AGBL4: variants seen among roughly 807,000 people sequenced by gnomAD.
AGBL4 encodes the protein cytosolic carboxypeptidase 6.
AGBL4 carries 58 observed loss-of-function variants against 66.4 expected under a neutral mutation model. The ratio of observed to expected loss-of-function variants is 0.87; its 90% CI spans 0.71 to 1.09. AGBL4 has a LOEUF of 1.09. Among genes scored for constraint, AGBL4 ranks in the 50% least tolerant of loss-of-function variants. The pLI is 0.00. For missense variants in AGBL4, 579 were observed against 631.0 expected, an observed-to-expected ratio of 0.92 and a Z score of 0.88; for synonymous variants, 234 against 222.9, an observed-to-expected ratio of 1.05 and a Z score of -0.44.
intron 11 of AGBL4, among the ~76,000 whole-genome samples, chr1:48,582,857 C>A (rs1186542361): frequency 2.0e-5 from 3 of 152,152 alleles, no homozygotes; most frequent in East Asian, 1.9e-4. Flanking sequence ...GAGAGCAAAA[C>A]CCTGGTCATG....
At chr1:48,805,035 G>A (rs940209783) in intron 6 of AGBL4, among the ~76,000 whole-genome samples, 2 of 152,112 alleles carry the variant, frequency 1.3e-5, no homozygotes. Flanking sequence ...CTGCAGTGAT[G>A]CTACCCAAAT....
At chr1:49,867,820 T>C (rs1646741494) in intron 1 of AGBL4, among the ~76,000 whole-genome samples, 1 of 152,078 alleles carries the variant, frequency 6.6e-6, no homozygotes, top group Non-Finnish European at 1.5e-5. Flanking sequence ...TAAATAAGTC[T>C]GCAAAATAAC....
chr1:49,551,588 A>C (rs1652957941), intron 3 of AGBL4, among the ~76,000 whole-genome samples: 1 of 152,218 alleles, frequency 6.6e-6, no homozygotes, highest in Non-Finnish European at 1.5e-5. Flanking sequence ...GCTACCCAGC[A>C]AGTCTACACA....
Position 49,190,723 on chromosome 1 carries a change from G to A in AGBL4, c.377+55047C>T, listed in dbSNP as rs143564510. On this transcript the variant is annotated intron_variant, in intron 4 of 13. Transcript: ENST00000371839. ...CAGCCTCCTTTCACTGTTTTTGTCC[G>A]TTTCCACAAAGTTCTTAGAATTGTA... is the stretch of plus-strand genomic sequence containing the variant. 1.6e-3 allele frequency among the ~76,000 whole-genome samples: 241 copies of A among 152,116 alleles called. 4 individuals carry two copies. The highest frequency in any genetic ancestry group is 5.6e-3 in the African/African-American group (232 of 41,498).
At chr1:48,737,898 C>A (rs1035851705) in intron 6 of AGBL4, among the ~76,000 whole-genome samples, 3 of 152,064 alleles carry the variant, frequency 2.0e-5, no homozygotes, top group Admixed American at 6.5e-5. Flanking sequence ...TGCTAATGAG[C>A]TAAACTTTCT....
chr1:49,149,665 A>G (rs183503825), intron 4 of AGBL4, among the ~76,000 whole-genome samples: 3 of 152,328 alleles, frequency 2.0e-5, no homozygotes, highest in Admixed American at 1.3e-4. Flanking sequence ...ATTTGTGTAC[A>G]TCATTAAAAA....
intron 4 of AGBL4, among the ~76,000 whole-genome samples, chr1:49,215,178 TA>T (rs1158462217): frequency 6.6e-6 from 1 of 152,088 alleles, no homozygotes; most frequent in Non-Finnish European, 1.5e-5. Flanking sequence ...ACAAAAATAA[TA>T]TTTGTTCTGT....
intron 12 of AGBL4, 96 bp downstream of exon 12, chr1:48,539,546 G>A: frequency 1.1e-6 from 1 of 926,802 alleles, no homozygotes; most frequent in East Asian, 3.0e-5. Flanking sequence ...GGCACAGATG[G>A]GATGCTGAGT....
At chr1:49,331,409 A>C (rs565970076) in intron 3 of AGBL4, among the ~76,000 whole-genome samples, 1 of 152,258 alleles carries the variant, frequency 6.6e-6, no homozygotes, top group South Asian at 2.1e-4. Context: ...CTTCAGGAGG[A>C]GGGACAAGCC....
intron 9 of AGBL4, among the ~76,000 whole-genome samples, chr1:48,616,115 C>A (rs1384780773): frequency 6.6e-6 from 1 of 152,158 alleles, no homozygotes; most frequent in African/African-American, 2.4e-5. Flanking sequence ...TGGAGGGGCA[C>A]ATACGTTCAA....
chr1:49,372,651 CTTTCTTTCTTTCTTTCTT>C (rs1644383089), intron 3 of AGBL4, among the ~76,000 whole-genome samples: 2 of 127,292 alleles, frequency 1.6e-5, no homozygotes, highest in Admixed American at 7.7e-5. Context: ...TTCTTTCTTT[CTTTCTTTCTTTCTTTCTT>C]TCTTTCTTTC....
intron 6 of AGBL4, among the ~76,000 whole-genome samples, chr1:48,762,865 A>AT (rs1644347371): frequency 6.6e-6 from 1 of 151,906 alleles, no homozygotes; most frequent in Non-Finnish European, 1.5e-5. Flanking sequence ...TTAAGTGTGA[A>AT]CCTCAGCTTT....
intron 1 of AGBL4, among the ~76,000 whole-genome samples, chr1:49,889,664 G>A (rs1211664606): frequency 6.6e-6 from 1 of 152,050 alleles, no homozygotes; most frequent in Non-Finnish European, 1.5e-5. Flanking sequence ...GGCTGATGCA[G>A]GAGAATCACT....
chr1:49,249,847 A>C (rs952898560), intron 3 of AGBL4, among the ~76,000 whole-genome samples: 1 of 152,212 alleles, frequency 6.6e-6, no homozygotes, highest in Non-Finnish European at 1.5e-5. Context: ...TGAATGGATA[A>C]AAAATGGAAT....
intron 2 of AGBL4, among the ~76,000 whole-genome samples, chr1:49,701,580 A>C (rs1647094896): frequency 6.6e-6 from 1 of 152,060 alleles, no homozygotes; most frequent in East Asian, 1.9e-4. Context: ...TTGGGGGAAA[A>C]GGAAAAAAGA....
chr1:49,119,997 G>A (rs1645617865), intron 4 of AGBL4, among the ~76,000 whole-genome samples: 1 of 152,100 alleles, frequency 6.6e-6, no homozygotes, highest in African/African-American at 2.4e-5. Flanking sequence ...GACTAGGATT[G>A]CAACACCTGC....
intron 3 of AGBL4, among the ~76,000 whole-genome samples, chr1:49,512,913 T>C (rs1414573281): frequency 6.6e-5 from 10 of 152,000 alleles, no homozygotes; most frequent in Non-Finnish European, 1.3e-4. Flanking sequence ...GTTGTACTCT[T>C]TTCAAAAATC....
At chr1:48,821,114 T>C (rs1377844191) in intron 6 of AGBL4, among the ~76,000 whole-genome samples, 1 of 152,098 alleles carries the variant, frequency 6.6e-6, no homozygotes, top group African/African-American at 2.4e-5. Context: ...CAGATATTAG[T>C]GTGGATGTGG....
At chr1:49,097,582 C>G (rs1375926586) in intron 4 of AGBL4, among the ~76,000 whole-genome samples, 4 of 152,178 alleles carry the variant, frequency 2.6e-5, no homozygotes, top group Non-Finnish European at 5.9e-5. Flanking sequence ...TGGCTCTAGA[C>G]AATTTTTTAT....
Sources: allele counts gnomAD v4.1 joint callset (sites outside exome capture counted in the v4.1 genomes callset), GRCh38; gene constraint gnomAD v4.1.1; transcripts MANE v1.5; gene names NCBI Gene and HGNC (gene_info 2026-07-23, HGNC 2026-07-21).